The following SPIDR variants were observed in gnomAD, a reference collection of about 807,000 sequenced individuals.
The protein encoded by SPIDR is DNA repair-scaffolding protein.
SPIDR carries 93 observed loss-of-function variants against 104.6 expected under a neutral mutation model. The observed-to-expected ratio is 0.89, with a 90% CI of 0.75 to 1.06. The LOEUF (loss-of-function observed/expected upper bound fraction) is 1.06. SPIDR is among the 50% of genes least tolerant of loss of function. The pLI is 0.00. For missense variants in SPIDR, 1,154 were observed against 1,111.2 expected (o/e 1.04, Z -0.55); for synonymous variants, 431 against 416.9 (o/e 1.03, Z -0.41).
intron 10 of SPIDR, among the ~76,000 whole-genome samples, chr8:47,616,614 G>A (rs1345645376): frequency 4.6e-5 from 7 of 152,134 alleles, no homozygotes; most frequent in South Asian, 2.1e-4. Flanking sequence ...AAATATGTAC[G>A]TATCATTACT....
chr8:47,578,616 T>C (rs1448889721), intron 8 of SPIDR, among the ~76,000 whole-genome samples: 1 of 152,242 alleles, frequency 6.6e-6, no homozygotes, highest in Non-Finnish European at 1.5e-5. Context: ...TGAAACTTGT[T>C]ACTTTTGAGT....
intron 8 of SPIDR, among the ~76,000 whole-genome samples, chr8:47,464,867 C>G (rs1289280614): frequency 2.0e-5 from 3 of 152,134 alleles, no homozygotes; most frequent in Non-Finnish European, 4.4e-5. Flanking sequence ...CTCCCGGGTT[C>G]AAGTGATTCT....
intron 8 of SPIDR, among the ~76,000 whole-genome samples, chr8:47,562,527 A>G (rs2057210056): frequency 6.6e-6 from 1 of 152,184 alleles, no homozygotes; most frequent in Non-Finnish European, 1.5e-5. Context: ...GTAGGACCAA[A>G]CACACAGGGC....
At chr8:47,349,514 G>T (rs2052979701) in intron 5 of SPIDR, among the ~76,000 whole-genome samples, 1 of 152,192 alleles carries the variant, frequency 6.6e-6, no homozygotes, top group African/African-American at 2.4e-5. Context: ...CTGTCAGACA[G>T]GGATGTTTAA....
At chr8:47,314,630 A>C (rs4515550) in intron 5 of SPIDR, among the ~76,000 whole-genome samples, 1 of 152,112 alleles carries the variant, frequency 6.6e-6, no homozygotes. Flanking sequence ...GAATAGCATG[A>C]GGGTAACTGC....
chr8:47,436,038 T>G (rs2068251354), intron 7 of SPIDR, among the ~76,000 whole-genome samples: 1 of 152,166 alleles, frequency 6.6e-6, no homozygotes, highest in South Asian at 2.1e-4. Context: ...TTGTTGTGAA[T>G]CGAGTATGAG....
intron 8 of SPIDR, among the ~76,000 whole-genome samples, chr8:47,556,016 A>C (rs976377603): frequency 6.6e-6 from 1 of 152,204 alleles, no homozygotes; most frequent in Non-Finnish European, 1.5e-5. Flanking sequence ...TAGGTATGTT[A>C]ATGAGTTTTT....
intron 8 of SPIDR, among the ~76,000 whole-genome samples, chr8:47,451,565 T>G (rs942111928): frequency 2.2e-5 from 3 of 137,988 alleles, no homozygotes; most frequent in African/African-American, 8.2e-5. Context: ...TAGGCGACAT[T>G]GTGAAACCCT....
chr8:47,476,394 G>C (rs1319468490), intron 8 of SPIDR, among the ~76,000 whole-genome samples: 2 of 152,158 alleles, frequency 1.3e-5, no homozygotes, highest in Non-Finnish European at 2.9e-5. Flanking sequence ...TTAGGGTGAT[G>C]AGGAGATATG....
chr8:47,272,043 C>CGGTTCA (rs2035440256), intron 1 of SPIDR, among the ~76,000 whole-genome samples: 2 of 152,098 alleles, frequency 1.3e-5, no homozygotes, highest in Admixed American at 6.5e-5. Context: ...GGCACGATCT[C>CGGTTCA]GGTTCACTGC....
At chr8:47,361,067 A>C (rs1182494125) in intron 5 of SPIDR, 1 of 798,352 alleles carries the variant, frequency 1.3e-6, no homozygotes, top group Non-Finnish European at 1.5e-6. Context: ...AATGGATTAC[A>C]TGACCACAGT....
intron 8 of SPIDR, among the ~76,000 whole-genome samples, chr8:47,530,458 A>ATT (rs2085774033): frequency 6.6e-6 from 1 of 152,106 alleles, no homozygotes. Context: ...ACAAAACAAA[A>ATT]CACCTTTAGA....
intron 14 of SPIDR, among the ~76,000 whole-genome samples, chr8:47,708,156 G>A (rs555752394): frequency 2.6e-5 from 4 of 152,102 alleles, no homozygotes; most frequent in Admixed American, 6.5e-5. Context: ...AAAATTAGCC[G>A]GGCATGATGG....
chr8:47,628,205 A>T (rs2066504902), intron 10 of SPIDR, among the ~76,000 whole-genome samples: 1 of 152,192 alleles, frequency 6.6e-6, no homozygotes, highest in Admixed American at 6.5e-5. Context: ...AAGAAAGCTA[A>T]ATTTTGGCTA....
intron 7 of SPIDR, among the ~76,000 whole-genome samples, chr8:47,437,218 A>G (rs1554692766): frequency 1.3e-5 from 2 of 150,498 alleles, no homozygotes; most frequent in Non-Finnish European, 3.0e-5. Flanking sequence ...AGCATTAGGT[A>G]TATTTCCCAA....
At chr8:47,487,727 A>T (rs1233776050) in intron 8 of SPIDR, among the ~76,000 whole-genome samples, 1 of 152,236 alleles carries the variant, frequency 6.6e-6, no homozygotes, top group Non-Finnish European at 1.5e-5. Flanking sequence ...AACTACATGG[A>T]AACTGCACAA....
chr8:47,685,978 G>A lies in SPIDR; in HGVS notation c.1685+12037G>A, dbSNP rs375534585. Among the ~76,000 whole-genome samples, 560 of 152,238 alleles carry A rather than the reference G, an allele frequency of 3.7e-3. 5 individuals carry two copies. Among genetic ancestry groups the A allele is most frequent in the Middle Eastern group, 0.014 (4 of 294 alleles). ...TCAAGACCAGCCTCGGCAACATCTC[G>A]AGACCTGTCTATACACAAGGAAAGG... On this transcript the variant is annotated intron_variant, in intron 11 of 19. Coordinates refer to ENST00000297423, the MANE Select transcript of SPIDR (RefSeq NM_001080394.4).
At chr8:47,564,645 A>C (rs1190095464) in intron 8 of SPIDR, among the ~76,000 whole-genome samples, 2 of 150,932 alleles carry the variant, frequency 1.3e-5, no homozygotes, top group African/African-American at 2.4e-5. Context: ...ACACCACTGC[A>C]CTCCATTCTG....
intron 8 of SPIDR, chr8:47,511,181 G>C (rs1332395514): frequency 6.4e-7 from 1 of 1,564,740 alleles, no homozygotes; most frequent in African/African-American, 1.4e-5. Context: ...ATGAAGAGTT[G>C]GATGTTGCTG....
Sources: gnomAD v4.1 joint callset for allele counts (sites outside exome capture counted in the v4.1 genomes callset) on GRCh38, gnomAD v4.1.1 for gene constraint, MANE v1.5 for transcripts, NCBI Gene and HGNC (gene_info 2026-07-23, HGNC 2026-07-21) for gene names.